The following ADPRH variants were observed in gnomAD, a reference collection of about 807,000 sequenced individuals.
The protein encoded by ADPRH is ADP-ribose-L-arginine cleaving enzyme.
ADPRH carries 27 observed loss-of-function variants against 28.8 expected under a neutral mutation model. That is an observed-to-expected ratio of 0.94 (90% CI 0.69 to 1.29). The LOEUF is 1.29. Among genes scored for constraint, ADPRH ranks in the 50% most tolerant of loss-of-function variants. The pLI, the probability that ADPRH is intolerant of heterozygous loss-of-function variation, is 0.00. For synonymous variants in ADPRH, 161 were observed against 166.9 expected, an observed-to-expected ratio of 0.96 and a Z score of 0.27; for missense variants, 419 against 444.8, an observed-to-expected ratio of 0.94 and a Z score of 0.52.
chr3:119,580,247 T>A (rs1261368774), intron 1 of ADPRH: 1 of 152,168 alleles, frequency 6.6e-6, no homozygotes, highest in African/African-American at 2.4e-5. Context: ...TATGGGGGGT[T>A]AAAGTTAGTC....
Position 119,585,374 on chromosome 3 carries a change from C to G in ADPRH, c.299-911C>G, listed in dbSNP as rs535851434. Among the ~76,000 whole-genome samples, 5 of 152,286 alleles carry G rather than the reference C, an allele frequency of 3.3e-5. No individual in the cohort carries two copies. The South Asian group carries it at 6.2e-4, about 19-fold the overall frequency. ...ACAGGTCGGGGGACAAGCCTGCTTA[C>G]GTCACTGTCACGAGGGGATAGCCAA... is the stretch of plus-strand genomic sequence containing the variant. On this transcript the variant is annotated intron_variant, in intron 3 of 4. Transcript: ENST00000357003.
chr3:119,579,855 T>C lies in ADPRH; in HGVS notation c.-123+4T>C, dbSNP rs1051685112. On this transcript the variant is annotated splice_donor_region_variant and intron_variant, in intron 1 of 4. Coordinates refer to ENST00000357003, the MANE Select transcript of ADPRH (RefSeq NM_001125.4). ...GTTCCAGTCCAGGCTACAGCAGGTA[T>C]CGCGATCCCGGCCCTCGGCCCCGCG... 1 of 152,372 alleles carries C rather than the reference T, an allele frequency of 6.6e-6. No homozygotes were observed. The highest frequency in any genetic ancestry group is 2.4e-5 in the African/African-American group (1 of 41,450). 9.4% of individuals were successfully genotyped at this position (152,372 alleles called of 1,614,324 possible).
chr3:119,586,417 A>G lies in ADPRH; in HGVS notation c.431A>G (p.His144Arg), dbSNP rs1298321971. The part of the protein sequence containing the change: ...RAMCIGLRFP[H>R]HSQLDTLIQV... ...ATGTGCATCGGTCTCAGGTTCCCACACCATAGCCAACTGGACACACTGATC... is the reference window on the plus strand; with the variant it reads ...ATGTGCATCGGTCTCAGGTTCCCACGCCATAGCCAACTGGACACACTGATC... The change falls in exon 4 of 5, where the codon CAC becomes CGC. Residue 144 changes from histidine to arginine, a missense_variant. Transcript: ENST00000357003. The G allele has an allele frequency of 1.2e-6, 2 of 1,614,086 alleles. No individual in the cohort carries two copies. Among genetic ancestry groups the G allele is most frequent in the African/African-American group, 2.7e-5 (2 of 74,926 alleles).
Position 119,587,997 on chromosome 3 carries a change from A to G in ADPRH, c.*119A>G, listed in dbSNP as rs1015650578. On this transcript the variant is annotated 3_prime_UTR_variant, in exon 5 of 5. Coordinates refer to ENST00000357003, the MANE Select transcript of ADPRH (RefSeq NM_001125.4). ...CTTGTACTCAGGGAATTTTGAGATA[A>G]CAAGTCCCTTGGGCACCTTAAGCTC... 1.7e-6 allele frequency: 2 copies of G among 1,184,860 alleles called. No homozygotes were observed. Among genetic ancestry groups the G allele is most frequent in the Non-Finnish European group, 2.3e-6 (2 of 869,324 alleles). 73.4% of individuals were successfully genotyped at this position (1,184,860 alleles called of 1,614,324 possible). A position where few individuals can be genotyped will look rare whatever the true frequency, so the allele number is the denominator to read the frequency against.
chr3:119,582,655 A>T (rs2082418737), intron 3 of ADPRH, among the ~76,000 whole-genome samples, 188 bp downstream of exon 3: 1 of 152,220 alleles, frequency 6.6e-6, no homozygotes, highest in South Asian at 2.1e-4. Context: ...CCAAGGTGAG[A>T]GAATCACTTG....
Position 119,587,993 on chromosome 3 carries a change from G to C in ADPRH, c.*115G>C. 1 of 1,203,106 alleles carries C rather than the reference G, an allele frequency of 8.3e-7. No homozygotes were observed. The highest frequency in any genetic ancestry group is 1.1e-6 in the Non-Finnish European group (1 of 885,228). 74.5% of individuals were successfully genotyped at this position (1,203,106 alleles called of 1,614,324 possible). On this transcript the variant is annotated 3_prime_UTR_variant, in exon 5 of 5. Transcript: ENST00000357003. Reference sequence around the variant, plus strand: ...TAACCTTGTACTCAGGGAATTTTGAGATAACAAGTCCCTTGGGCACCTTAA... The same window carrying C: ...TAACCTTGTACTCAGGGAATTTTGACATAACAAGTCCCTTGGGCACCTTAA...
At chr3:119,580,512 G>C (rs1193898715) in intron 1 of ADPRH, 39 bp from the exon 2 acceptor site, 2 of 152,240 alleles carry the variant, frequency 1.3e-5, no homozygotes, top group Non-Finnish European at 2.9e-5. Context: ...TAACTGGGTA[G>C]TGGAACGCAT....
At chr3:119,580,082 T>TA (rs1306005716) in intron 1 of ADPRH, 4 of 152,242 alleles carry the variant, frequency 2.6e-5, no homozygotes, top group African/African-American at 9.6e-5. Context: ...GTTAAGTAAT[T>TA]ACAGCGTTCT....
chr3:119,586,934 C>G (rs1378674667), intron 4 of ADPRH, among the ~76,000 whole-genome samples: 1 of 152,202 alleles, frequency 6.6e-6, no homozygotes, highest in Non-Finnish European at 1.5e-5. Context: ...ATGCCTATTT[C>G]CTACTTTCCT....
Position 119,588,467 on chromosome 3 carries a change from G to C in ADPRH, c.*589G>C, listed in dbSNP as rs1416363022. 2.0e-5 allele frequency: 3 copies of C among 152,226 alleles called. No homozygotes were observed. The highest frequency in any genetic ancestry group is 2.9e-5 in the Non-Finnish European group (2 of 68,070). 9.4% of individuals were successfully genotyped at this position (152,226 alleles called of 1,614,324 possible). A position where few individuals can be genotyped will look rare whatever the true frequency, so the allele number is the denominator to read the frequency against. On this transcript the variant is annotated 3_prime_UTR_variant, in exon 5 of 5. Coordinates refer to ENST00000357003, the MANE Select transcript of ADPRH (RefSeq NM_001125.4). The stretch of plus-strand genomic sequence containing the variant: ...TATCCACTGACTTCCATCTGACACT[G>C]GTTGAGGACCACTGCCAGGGATGCT...
In ADPRH at chr3:119,582,702, G is replaced by A. The variant is rs537096918; in HGVS notation, c.298+235G>A. 7.9e-5 allele frequency among the ~76,000 whole-genome samples: 12 copies of A among 152,274 alleles called. No homozygotes were observed. The South Asian group carries it at 2.3e-3, about 29-fold the overall frequency. Reference sequence around the variant, plus strand: ...TCAAGACAAGCCTGAGCAATATACGGAGACCCTGTCTCTAGAATGGGGTAG... The same window carrying A: ...TCAAGACAAGCCTGAGCAATATACGAAGACCCTGTCTCTAGAATGGGGTAG... On this transcript the variant is annotated intron_variant, in intron 3 of 4. Coordinates refer to ENST00000357003, the MANE Select transcript of ADPRH (RefSeq NM_001125.4).
intron 3 of ADPRH, among the ~76,000 whole-genome samples, chr3:119,585,023 C>G (rs2082445215): frequency 6.6e-6 from 1 of 152,206 alleles, no homozygotes; most frequent in South Asian, 2.1e-4. Context: ...AAGGCCCTAT[C>G]TCCAAATCGA....
At chr3:119,582,105 A>G in intron 2 of ADPRH, 29 bp from the exon 3 acceptor site, 1 of 1,490,072 alleles carries the variant, frequency 6.7e-7, no homozygotes, top group Non-Finnish European at 9.0e-7. Context: ...TCCTCATCCT[A>G]TTTCCTTTGT....
intron 4 of ADPRH, 136 bp from the exon 5 acceptor site, chr3:119,587,328 A>T: frequency 3.5e-6 from 2 of 574,308 alleles, no homozygotes; most frequent in Non-Finnish European, 5.7e-6. Flanking sequence ...TTTGATGTTT[A>T]AATAGTTTAT....
Position 119,582,293 on chromosome 3 carries a change from G to A in ADPRH, c.124G>A (p.Gly42Ser), listed in dbSNP as rs762746053. The change falls in exon 3 of 5, where the codon GGC (glycine) becomes AGC (serine). Residue 42 changes from glycine to serine, a missense_variant. Transcript: ENST00000357003. ...KIHRQLAQLG[G>S]LDALDVGRWR... ...ACACCGGCAGTTGGCCCAGCTGGGCGGCTTGGATGCCCTAGACGTGGGAAG... is the reference window on the plus strand; with the variant it reads ...ACACCGGCAGTTGGCCCAGCTGGGCAGCTTGGATGCCCTAGACGTGGGAAG... 14 of 1,614,080 alleles carry A rather than the reference G, an allele frequency of 8.7e-6. No individual in the cohort carries two copies. The highest frequency in any genetic ancestry group is 5.0e-5 in the Admixed American group (3 of 60,006).
Position 119,587,687 on chromosome 3 carries a change from C to A in ADPRH, c.883C>A (p.Arg295=), listed in dbSNP as rs190409478. Residue 295 remains arginine, a synonymous_variant, in exon 5 of 5, where the codon CGA becomes AGA. Transcript: ENST00000357003. ...AGACTCCTGGAAGGAGCTTGCCCAC[C>A]GAGCCTTTTTCCATGGTGGAGACAG... ...AGDSWKELAH[R]AFFHGGDSDS... is the part of the protein sequence containing the mutation. 2.5e-6 allele frequency: 4 copies of A among 1,614,164 alleles called. No homozygotes were observed. The highest frequency in any genetic ancestry group is 2.2e-5 in the East Asian group (1 of 44,888).
chr3:119,584,697 C>G (rs1207040096), intron 3 of ADPRH, among the ~76,000 whole-genome samples: 1 of 152,176 alleles, frequency 6.6e-6, no homozygotes, highest in Non-Finnish European at 1.5e-5. Context: ...TCTGACCTAC[C>G]TCTCCTATTT....
chr3:119,583,257 C>A (rs1242704361), intron 3 of ADPRH, among the ~76,000 whole-genome samples: 4 of 152,072 alleles, frequency 2.6e-5, no homozygotes, highest in South Asian at 2.1e-4. Context: ...ATAGAAAGAA[C>A]CTAAATCTCT....
Position 119,582,317 on chromosome 3 carries a change from A to G in ADPRH, c.148A>G (p.Arg50Gly). The part of the protein sequence containing the change: ...LGGLDALDVG[R>G]WRVSDDTVMH... ...CGGCTTGGATGCCCTAGACGTGGGA[A>G]GGTGGAGAGTTAGTGACGACACAGT... Residue 50 changes from arginine to glycine, a missense_variant, in exon 3 of 5, where the codon AGG becomes GGG. Arg to Gly is a moderately radical substitution (Grantham distance 125). Transcript: ENST00000357003. 6.2e-7 allele frequency: 1 copy of G among 1,614,194 alleles called. No homozygotes were observed. The highest frequency in any genetic ancestry group is 8.5e-7 in the Non-Finnish European group (1 of 1,180,030).
Sources: allele counts gnomAD v4.1 joint callset (sites outside exome capture counted in the v4.1 genomes callset), GRCh38; gene constraint gnomAD v4.1.1; transcripts MANE v1.5; gene names NCBI Gene and HGNC (gene_info 2026-07-23, HGNC 2026-07-21).